The following RXRA variants were observed in gnomAD, a reference collection of about 807,000 sequenced individuals.
RXRA encodes retinoid X receptor alpha, also known as retinoic acid receptor RXR-alpha.
In RXRA, 5 loss-of-function variants were observed where a neutral mutation model predicts 44.5. The observed-to-expected ratio is 0.11, with a 90% confidence interval of 0.06 to 0.24. The LOEUF is 0.24. Among genes scored for constraint, RXRA ranks in the 10% least tolerant of loss-of-function variants. RXRA has a pLI of 1.00. For missense variants in RXRA, 412 were observed against 646.5 expected, an observed-to-expected ratio of 0.64 and a Z score of 3.93; for synonymous variants, 291 against 271.4, an observed-to-expected ratio of 1.07 and a Z score of -0.71.
At chr9:134,359,358 G>A (rs1284338321) in intron 1 of RXRA, among the ~76,000 whole-genome samples, 1 of 152,116 alleles carries the variant, frequency 6.6e-6, no homozygotes, top group Non-Finnish European at 1.5e-5. Context: ...TAATTATCTG[G>A]CAATAACGAG....
chr9:134,395,897 G>T (rs1830870760), intron 1 of RXRA, among the ~76,000 whole-genome samples: 1 of 152,222 alleles, frequency 6.6e-6, no homozygotes, highest in East Asian at 1.9e-4. Flanking sequence ...TTCCAGCCTG[G>T]GCCACCTGAG....
At chr9:134,331,993 C>T (rs1588245470) in intron 1 of RXRA, among the ~76,000 whole-genome samples, 1 of 152,234 alleles carries the variant, frequency 6.6e-6, no homozygotes, top group African/African-American at 2.4e-5. Flanking sequence ...AGTGGGGACC[C>T]TGGTGGAGGG....
intron 4 of RXRA, among the ~76,000 whole-genome samples, chr9:134,413,533 A>G (rs1225721510): frequency 6.6e-6 from 1 of 152,044 alleles, no homozygotes; most frequent in Non-Finnish European, 1.5e-5. Flanking sequence ...CCCACCCTTA[A>G]GAGGAGGCCA....
At chr9:134,422,888 G>A (rs1831371232) in intron 6 of RXRA, 16 of 985,448 alleles carry the variant, frequency 1.6e-5, no homozygotes, top group Non-Finnish European at 1.9e-5. Context: ...GGAGAGCCAC[G>A]TGCTCTCTGC....
intron 4 of RXRA, among the ~76,000 whole-genome samples, chr9:134,411,709 G>A (rs750030758): frequency 1.3e-5 from 2 of 152,230 alleles, no homozygotes; most frequent in Non-Finnish European, 2.9e-5. Context: ...GCTGCCGAGC[G>A]CTCTCGCCCC....
At position 134,379,420 on chromosome 9, in the gene RXRA, C is replaced by T; in HGVS notation, c.29-22212C>T. ...GGCACCCTGAGATGGGGCCTCCCTT[C>T]ACTTCCTGGCCATCCAGGCATCTGT... is the stretch of plus-strand genomic sequence containing the variant. On this transcript the variant is annotated intron_variant, in intron 1 of 9. Coordinates refer to ENST00000481739, the MANE Select transcript of RXRA (RefSeq NM_002957.6). The T allele has an allele frequency of 4.1e-6, 4 of 987,446 alleles. No homozygotes were observed. The South Asian group carries it at 1.4e-4, about 35-fold the overall frequency. 61.2% of individuals were successfully genotyped at this position (987,446 alleles called of 1,614,324 possible). A position where few individuals can be genotyped will look rare whatever the true frequency, so the allele number is the denominator to read the frequency against.
chr9:134,327,246 C>T (rs782484911), intron 1 of RXRA, among the ~76,000 whole-genome samples: 8 of 152,256 alleles, frequency 5.3e-5, no homozygotes, highest in Non-Finnish European at 8.8e-5. Flanking sequence ...CCTGGGAAGG[C>T]CCCATTCCAG....
At chr9:134,385,097 G>A (rs1410792946) in intron 1 of RXRA, among the ~76,000 whole-genome samples, 1 of 152,164 alleles carries the variant, frequency 6.6e-6, no homozygotes, top group Non-Finnish European at 1.5e-5. Flanking sequence ...CCTGGTTCCC[G>A]GGCCATGGCT....
chr9:134,328,520 C>T (rs528077810), intron 1 of RXRA, among the ~76,000 whole-genome samples: 8 of 152,276 alleles, frequency 5.3e-5, no homozygotes, highest in South Asian at 4.1e-4. Flanking sequence ...CTCTCCCGAC[C>T]GGCCCATGGC....
In RXRA at chr9:134,349,610, A is replaced by G. The variant is rs1554749220; in HGVS notation, c.28+22951A>G. On this transcript the variant is annotated intron_variant, in intron 1 of 9. Transcript: ENST00000481739. The surrounding 1 kb of genome is among the most constrained non-coding windows in gnomAD (Gnocchi z 4.3). Reference sequence around the variant, plus strand: ...GGGGCAGGGTTCTCAGGTGGCCCCCATGAGTGGGTGACATCAGGAGACCCC... The same window carrying G: ...GGGGCAGGGTTCTCAGGTGGCCCCCGTGAGTGGGTGACATCAGGAGACCCC... Among the ~76,000 whole-genome samples, 1 of 152,138 alleles carries G rather than the reference A, an allele frequency of 6.6e-6. No homozygotes were observed. Among genetic ancestry groups the G allele is most frequent in the Non-Finnish European group, 1.5e-5 (1 of 68,014 alleles).
chr9:134,388,036 C>A (rs1830746076), intron 1 of RXRA, among the ~76,000 whole-genome samples: 1 of 152,104 alleles, frequency 6.6e-6, no homozygotes, highest in East Asian at 1.9e-4. Context: ...TATCGCTGCA[C>A]CCCATGGTGA....
At chr9:134,424,134 G>A (rs527340053) in intron 6 of RXRA, 1 of 980,982 alleles carries the variant, frequency 1.0e-6, no homozygotes, top group South Asian at 4.7e-5. Context: ...TCGTGGTGGA[G>A]TGCAGTGCTG....
chr9:134,434,196 G>A lies in RXRA; in HGVS notation c.1230G>A (p.Glu410=). The A allele has an allele frequency of 1.9e-6, 3 of 1,613,178 alleles. No homozygotes were observed. The highest frequency in any genetic ancestry group is 1.7e-4 in the Middle Eastern group (1 of 6,056). ...CCTACTGCAAGCACAAGTACCCAGA[G>A]CAGCCGGGAAGGTGGGTCCCGCCCC... ...LEAYCKHKYP[E]QPGRFAKLLL... The change falls in exon 9 of 10, where the codon GAG becomes GAA. Residue 410 remains glutamate (E), a synonymous_variant. Transcript: ENST00000481739.
chr9:134,415,377 C>A (rs576791765), intron 4 of RXRA, among the ~76,000 whole-genome samples: 1 of 149,192 alleles, frequency 6.7e-6, no homozygotes, highest in Non-Finnish European at 1.5e-5. Flanking sequence ...GAGAAAGTGG[C>A]GGCTGACACC....
intron 6 of RXRA, 45 bp downstream of exon 6, chr9:134,421,850 G>A (rs772661257): frequency 3.1e-6 from 5 of 1,606,792 alleles, no homozygotes; most frequent in Non-Finnish European, 4.2e-6. Flanking sequence ...CATGCAGATG[G>A]GACACGTACC....
chr9:134,404,641 A>G lies in RXRA; in HGVS notation c.279+2759A>G, dbSNP rs112221435. On this transcript the variant is annotated intron_variant, in intron 2 of 9. Coordinates refer to ENST00000481739, the MANE Select transcript of RXRA (RefSeq NM_002957.6). The stretch of plus-strand genomic sequence containing the variant: ...TGTGATGTGTGCACAGGGAGTGTGG[A>G]CGCGAGGCTGAGCGGGCTTCACGGG... 62 of 152,708 alleles carry G rather than the reference A, an allele frequency of 4.1e-4. 4 individuals are homozygous for G. Among genetic ancestry groups the G allele is most frequent in the African/African-American group, 1.3e-3 (55 of 41,554 alleles). 9.5% of individuals were successfully genotyped at this position (152,708 alleles called of 1,614,324 possible).
At chr9:134,380,049 A>G (rs1830618633) in intron 1 of RXRA, 1 of 985,230 alleles carries the variant, frequency 1.0e-6, no homozygotes, top group South Asian at 4.7e-5. Flanking sequence ...CTGCCTGAGC[A>G]CAATCTTCCT....
At chr9:134,350,844 C>T (rs62576319) in intron 1 of RXRA, among the ~76,000 whole-genome samples, 17,460 of 152,260 alleles carry the variant, frequency 0.11, 1,063 homozygotes, top group South Asian at 0.17. Context: ...AGCCTGGGGC[C>T]GGCCTGGCCT....
At position 134,366,349 on chromosome 9, in the gene RXRA, G is replaced by A. The variant is rs886503195; in HGVS notation, c.29-35283G>A. ...CCTGCCAGCAGGTCCAGCAGGCCTT[G>A]GCACAGGCTCCAGAATTGCACGTGA... is the stretch of plus-strand genomic sequence containing the variant. On this transcript the variant is annotated intron_variant, in intron 1 of 9. Coordinates refer to ENST00000481739, the MANE Select transcript of RXRA (RefSeq NM_002957.6). This position sits in a 1 kb window ranked among gnomAD's most constrained non-coding sequence, Gnocchi z 5.9. Among the ~76,000 whole-genome samples, 1 of 152,072 alleles carries A rather than the reference G, an allele frequency of 6.6e-6. No homozygotes were observed. The highest frequency in any genetic ancestry group is 2.4e-5 in the African/African-American group (1 of 41,402).
Sources: allele counts gnomAD v4.1 joint callset (sites outside exome capture counted in the v4.1 genomes callset), GRCh38; gene constraint gnomAD v4.1.1; non-coding constraint Gnocchi (gnomAD v3.1); transcripts MANE v1.5; gene names NCBI Gene and HGNC (gene_info 2026-07-23, HGNC 2026-07-21).